Variants in DYRK4 observed in about 807,000 individuals in gnomAD.
DYRK4 encodes dual specificity tyrosine phosphorylation regulated kinase 4.
In DYRK4, 64 loss-of-function variants were observed where a neutral mutation model predicts 68.3. The ratio of observed to expected loss-of-function variants is 0.94; its 90% CI spans 0.77 to 1.15. The LOEUF (loss-of-function observed/expected upper bound fraction) is 1.15, where lower values mean the gene tolerates loss of function less well. DYRK4 is among the 50% of genes most tolerant of loss of function. The pLI is 0.00. For missense variants in DYRK4, 740 were observed against 764.7 expected, an observed-to-expected ratio of 0.97 and a Z score of 0.38; for synonymous variants, 274 against 289.9, an observed-to-expected ratio of 0.95 and a Z score of 0.56.
chr12:4,601,939 T>A (rs1945086373), intron 10 of DYRK4: 1 of 288,676 alleles, frequency 3.5e-6, no homozygotes. Context: ...ATACCAAAGT[T>A]GCATCTTGAA....
At position 4,612,835 on chromosome 12, in the gene DYRK4, A is replaced by G. The variant is rs543767542; in HGVS notation, c.1666+117A>G. On this transcript the variant is annotated intron_variant, in intron 14 of 14. Transcript: ENST00000543431. Reference sequence around the variant, plus strand: ...CCAGTTCTGTAGTCTGGAAATTAAAATCTTTGTTTTTAATATTCTGTTTAA... The same window carrying G: ...CCAGTTCTGTAGTCTGGAAATTAAAGTCTTTGTTTTTAATATTCTGTTTAA... 5.2e-6 allele frequency: 6 copies of G among 1,162,166 alleles called. No individual in the cohort carries two copies. In the East Asian group the frequency reaches 7.5e-5, roughly 15 times the overall value. 72.0% of individuals were successfully genotyped at this position (1,162,166 alleles called of 1,614,324 possible).
chr12:4,583,453 C>G (rs1353971725), intron 2 of DYRK4, among the ~76,000 whole-genome samples: 1 of 152,020 alleles, frequency 6.6e-6, no homozygotes, highest in Non-Finnish European at 1.5e-5. Flanking sequence ...GCCTCTGTGA[C>G]CATTCCCTCT....
At chr12:4,588,405 C>T (rs1039288424) in intron 2 of DYRK4, among the ~76,000 whole-genome samples, 2 of 152,192 alleles carry the variant, frequency 1.3e-5, no homozygotes, top group African/African-American at 4.8e-5. Flanking sequence ...GGGTGCTTGC[C>T]GCCCTCTGGG....
intron 11 of DYRK4, among the ~76,000 whole-genome samples, chr12:4,605,573 T>G (rs1416580146): frequency 6.6e-6 from 1 of 152,148 alleles, no homozygotes; most frequent in Non-Finnish European, 1.5e-5. Context: ...CATTATAGCT[T>G]TAAAAATTTC....
In DYRK4 at chr12:4,606,388, A is replaced by G. The variant is rs574580148; in HGVS notation, c.1300-939A>G. Among the ~76,000 whole-genome samples, 5 of 152,310 alleles carry G rather than the reference A, an allele frequency of 3.3e-5. 1 individual carries two copies. In the South Asian group the frequency reaches 8.3e-4, roughly 25 times the overall value. On this transcript the variant is annotated intron_variant, in intron 11 of 14. Transcript: ENST00000543431. ...TCCAGATTGTCTCAAAGTTACAGAGAAACACATATAGCCTTGAGAATGACT... is the reference window on the plus strand; with the variant it reads ...TCCAGATTGTCTCAAAGTTACAGAGGAACACATATAGCCTTGAGAATGACT...
intron 12 of DYRK4, 177 bp from the exon 13 acceptor site, chr12:4,609,978 A>G: frequency 2.3e-6 from 1 of 426,674 alleles, no homozygotes; most frequent in East Asian, 3.7e-5. Context: ...TCCTTGGGTA[A>G]TCTACACATG....
chr12:4,610,042 G>A (rs923596684), intron 12 of DYRK4, 113 bp from the exon 13 acceptor site: 2 of 799,994 alleles, frequency 2.5e-6, no homozygotes, highest in African/African-American at 1.8e-5. Flanking sequence ...GGCATGAGGC[G>A]AGTGTGTAAG....
At chr12:4,587,788 G>C (rs1944912176) in intron 2 of DYRK4, among the ~76,000 whole-genome samples, 1 of 152,178 alleles carries the variant, frequency 6.6e-6, no homozygotes, top group South Asian at 2.1e-4. Context: ...TAGCTGTGCT[G>C]GATGATATTA....
rs557912775 is a variant in DYRK4 at position 4,586,285 on chromosome 12, G to T, written c.133-2652G>T. Reference sequence around the variant, plus strand: ...AGAGGCAGGGCCCAGGTCTTAGACTGCACAGGAAGCACCCCCCTGCTCTGG... The same window carrying T: ...AGAGGCAGGGCCCAGGTCTTAGACTTCACAGGAAGCACCCCCCTGCTCTGG... On this transcript the variant is annotated intron_variant, in intron 2 of 14. Transcript: ENST00000543431. Among the ~76,000 whole-genome samples the T allele has an allele frequency of 1.6e-4, 25 of 152,274 alleles. No individual in the cohort carries two copies. The East Asian group carries it at 4.8e-3, about 29-fold the overall frequency.
At position 4,599,079 on chromosome 12, in the gene DYRK4, G is replaced by A. The variant is rs1945050582; in HGVS notation, c.957G>A (p.Leu319=). The change falls in exon 9 of 15, where the codon CTG becomes CTA. Residue 319 remains leucine, a synonymous_variant. Transcript: ENST00000543431. The stretch of plus-strand genomic sequence containing the variant: ...ATAACAACTTTCAAGGCTTCAGTCT[G>A]TCCATAGTTCGGCGCTTCACTCTCT... ...MKNNNFQGFS[L]SIVRRFTLSV... 6.2e-7 allele frequency: 1 copy of A among 1,614,046 alleles called. No individual in the cohort carries two copies. Among genetic ancestry groups the A allele is most frequent in the Admixed American group, 1.7e-5 (1 of 60,002 alleles).
At chr12:4,564,692 C>T (rs1037204598) in intron 1 of DYRK4, among the ~76,000 whole-genome samples, 1 of 152,198 alleles carries the variant, frequency 6.6e-6, no homozygotes, top group Non-Finnish European at 1.5e-5. Context: ...CCATGCTTAG[C>T]CCAGTAGCTG....
chr12:4,580,746 T>A (rs1348515576), intron 2 of DYRK4: 2 of 445,720 alleles, frequency 4.5e-6, no homozygotes, highest in African/African-American at 4.1e-5. Flanking sequence ...TGTGAGCTGA[T>A]ATCACAGAAG....
rs1188646242 is a variant in DYRK4, at chr12:4,562,298, G to A, written c.38+15G>A. ...ACCGGAACAAAGTAAGGGCCGCGGA[G>A]GCTCGTACTTCACGAGCAGTCAGGC... On this transcript the variant is annotated intron_variant, in intron 1 of 14. Transcript: ENST00000543431. The A allele has an allele frequency of 9.8e-6, 15 of 1,531,546 alleles. No individual in the cohort carries two copies. Among genetic ancestry groups the A allele is most frequent in the Middle Eastern group, 1.7e-4 (1 of 5,974 alleles). 94.9% of individuals were successfully genotyped at this position (1,531,546 alleles called of 1,614,324 possible).
intron 8 of DYRK4, among the ~76,000 whole-genome samples, chr12:4,598,289 C>A (rs1057349499): frequency 6.6e-6 from 1 of 152,164 alleles, no homozygotes; most frequent in East Asian, 1.9e-4. Context: ...GAGGAGGAAC[C>A]AGCAGAAGTT....
intron 2 of DYRK4, chr12:4,572,953 A>G (rs1007432858): frequency 8.1e-6 from 2 of 246,032 alleles, no homozygotes; most frequent in Non-Finnish European, 1.6e-5. Flanking sequence ...AGCACTTCCT[A>G]TACGAAAAGC....
intron 9 of DYRK4, 71 bp from the exon 10 acceptor site, chr12:4,599,636 G>A: frequency 8.8e-7 from 1 of 1,141,758 alleles, no homozygotes; most frequent in Non-Finnish European, 1.3e-6. Context: ...GAAGGATGAG[G>A]AGCATTTAGG....
chr12:4,579,408 A>T (rs77189646), intron 2 of DYRK4, among the ~76,000 whole-genome samples: 2,880 of 152,334 alleles, frequency 0.019, 39 homozygotes, highest in South Asian at 0.03. Flanking sequence ...GAGTCTAGAC[A>T]AAGTTTTCTT....
intron 8 of DYRK4, 22 bp downstream of exon 8, chr12:4,596,751 A>G (rs1191455988): frequency 1.2e-6 from 2 of 1,611,326 alleles, no homozygotes; most frequent in Non-Finnish European, 1.7e-6. Context: ...TTTCTTCTTA[A>G]CTCATTTTCT....
At chr12:4,588,663 G>T (rs1054694024) in intron 2 of DYRK4, among the ~76,000 whole-genome samples, 1 of 152,182 alleles carries the variant, frequency 6.6e-6, no homozygotes, top group Non-Finnish European at 1.5e-5. Context: ...TTAAGATTTT[G>T]TTGGAAGAAA....
Sources: gnomAD v4.1 joint callset for allele counts (sites outside exome capture counted in the v4.1 genomes callset) on GRCh38, gnomAD v4.1.1 for gene constraint, MANE v1.5 for transcripts, NCBI Gene and HGNC (gene_info 2026-07-23, HGNC 2026-07-21) for gene names.